ADGRV1: variants seen among roughly 807,000 people sequenced by gnomAD.
The protein encoded by ADGRV1 is G-protein coupled receptor 98.
Under a neutral mutation model 596.2 loss-of-function variants are expected in ADGRV1, and 359 were observed. The ratio of observed to expected loss-of-function variants is 0.60; its 90% CI spans 0.55 to 0.66. The LOEUF is 0.66. Among genes scored for constraint, ADGRV1 ranks in the 30% least tolerant of loss-of-function variants. ADGRV1 has a pLI of 0.00. For missense variants in ADGRV1, 7,274 were observed against 7,575.6 expected, an observed-to-expected ratio of 0.96 and a Z score of 1.48; for synonymous variants, 2,681 against 2,679.2, an observed-to-expected ratio of 1.00 and a Z score of -0.02.
rs374632134 is a variant in ADGRV1, at chr5:90,869,274, A to C, written c.17856+5417A>C. The stretch of plus-strand genomic sequence containing the variant: ...GGCAAGGAAAAGAACAAGAACAAAG[A>C]CATCTAAGTTATAGTGATCCTGGCT... On this transcript the variant is annotated intron_variant, in intron 83 of 89. Coordinates refer to ENST00000405460, the MANE Select transcript of ADGRV1 (RefSeq NM_032119.4). 1.6e-3 allele frequency among the ~76,000 whole-genome samples: 241 copies of C among 152,226 alleles called. 1 individual carries two copies. Among genetic ancestry groups the C allele is most frequent in the African/African-American group, 5.3e-3 (220 of 41,538 alleles).
chr5:90,810,043 A>G (rs1762291858), intron 73 of ADGRV1, among the ~76,000 whole-genome samples, 190 bp from the exon 74 acceptor site: 1 of 152,156 alleles, frequency 6.6e-6, no homozygotes, highest in Non-Finnish European at 1.5e-5. Context: ...CTGCTTTTGC[A>G]GCTCCTGTTC....
chr5:90,937,647 C>T (rs1310475563), intron 83 of ADGRV1, among the ~76,000 whole-genome samples: 2 of 151,952 alleles, frequency 1.3e-5, no homozygotes, highest in African/African-American at 4.8e-5. Flanking sequence ...TTAGTAGAGA[C>T]GGGGTTTCAC....
chr5:90,579,328 A>C (rs1757666588), intron 1 of ADGRV1, among the ~76,000 whole-genome samples: 1 of 152,214 alleles, frequency 6.6e-6, no homozygotes, highest in Non-Finnish European at 1.5e-5. Flanking sequence ...TTGGTTTCAA[A>C]GAACATCTTT....
chr5:90,799,178 C>T (rs1159871454), intron 70 of ADGRV1, among the ~76,000 whole-genome samples: 3 of 152,130 alleles, frequency 2.0e-5, no homozygotes, highest in Non-Finnish European at 4.4e-5. Context: ...TTAGAAAACC[C>T]CATCATCTCA....
intron 80 of ADGRV1, 137 bp downstream of exon 80, chr5:90,853,670 T>G: frequency 1.3e-6 from 1 of 754,634 alleles, no homozygotes; most frequent in Non-Finnish European, 2.1e-6. Flanking sequence ...TGTTCCATCT[T>G]TATGAACTAT....
At chr5:91,121,589 G>A in intron 87 of ADGRV1, among the ~76,000 whole-genome samples, 1 of 152,104 alleles carries the variant, frequency 6.6e-6, no homozygotes, top group East Asian at 1.9e-4. Flanking sequence ...CTGCAGTTTG[G>A]GCAAGATTCG....
chr5:90,596,488 AGCCTGG>A (rs1279069085), intron 1 of ADGRV1, among the ~76,000 whole-genome samples: 1 of 152,038 alleles, frequency 6.6e-6, no homozygotes, highest in Admixed American at 6.5e-5. Flanking sequence ...ACTGCACTCC[AGCCTGG>A]GCACCATTGA....
At chr5:90,675,853 A>C (rs1773185543) in intron 24 of ADGRV1, among the ~76,000 whole-genome samples, 1 of 152,082 alleles carries the variant, frequency 6.6e-6, no homozygotes. Flanking sequence ...AAAAGAAATA[A>C]TCTACTTTAT....
intron 11 of ADGRV1, among the ~76,000 whole-genome samples, chr5:90,639,573 T>C (rs1230993863): frequency 6.6e-6 from 1 of 152,152 alleles, no homozygotes; most frequent in Non-Finnish European, 1.5e-5. Context: ...AAAAAGTACA[T>C]AAGGAAGTAC....
In ADGRV1 at chr5:90,805,413, G is replaced by C. The variant is rs1761810300; in HGVS notation, c.14791G>C (p.Glu4931Gln). 6.2e-7 allele frequency: 1 copy of C among 1,601,130 alleles called. No individual in the cohort carries two copies. The highest frequency in any genetic ancestry group is 8.5e-7 in the Non-Finnish European group (1 of 1,169,826). The change falls in exon 72 of 90, where the codon GAA becomes CAA. Residue 4931 changes from glutamate (E) to glutamine (Q), a missense_variant. Physicochemically the swap from Glu to Gln is conservative, Grantham distance 29 (BLOSUM62 2). Around this residue, in one of 5 missense-constraint regions of ADGRV1, gnomAD observed 1,874 missense variants for 1,970.2 expected, o/e 0.95. Transcript: ENST00000405460. ...GACCACTGGATATGCTCCTGGGTTA[G>C]AAATTCCTGAATTCATTGTTGTTGG... Reference protein sequence around the residue: ...AWTTGYAPGLEIPEFIVVGNM... With the variant: ...AWTTGYAPGLQIPEFIVVGNM...
At position 90,745,924 on chromosome 5, in the gene ADGRV1, C is replaced by T; in HGVS notation, c.10974+129C>T. 1.1e-5 allele frequency: 7 copies of T among 609,196 alleles called. No individual in the cohort carries two copies. The South Asian group carries it at 1.3e-4, about 12-fold the overall frequency. The allele number at this position is 609,196 out of a possible 1,614,324, so 37.7% of individuals were successfully genotyped here. A position where few individuals can be genotyped will look rare whatever the true frequency, so the allele number is the denominator to read the frequency against. ...TCAGCCTCTCTCCCTTCCCTTTCCC[C>T]TGCCTCCCTTTTATGTGCATTCTAG... On this transcript the variant is annotated intron_variant, in intron 52 of 89. Transcript: ENST00000405460.
chr5:90,988,937 AGCTTCATC>A (rs374729291), intron 85 of ADGRV1, among the ~76,000 whole-genome samples: 33,272 of 151,568 alleles, frequency 0.22, 4,006 homozygotes, highest in Non-Finnish European at 0.28. Flanking sequence ...GATGGTTTCC[AGCTTCATC>A]CATGTCCCTA....
intron 83 of ADGRV1, among the ~76,000 whole-genome samples, chr5:90,943,964 G>A (rs984673676): frequency 1.8e-4 from 27 of 152,034 alleles, no homozygotes; most frequent in African/African-American, 6.3e-4. Flanking sequence ...TGTAGGGGGG[G>A]CACTATTCAA....
At chr5:91,046,773 C>T (rs1268725694) in intron 85 of ADGRV1, among the ~76,000 whole-genome samples, 1 of 152,108 alleles carries the variant, frequency 6.6e-6, no homozygotes, top group African/African-American at 2.4e-5. Flanking sequence ...TACATCTCAC[C>T]AAGGACTAAT....
chr5:91,007,809 C>T (rs988272155), intron 85 of ADGRV1, among the ~76,000 whole-genome samples: 12 of 152,132 alleles, frequency 7.9e-5, no homozygotes, highest in Admixed American at 2.6e-4. Context: ...ATTACCCATT[C>T]GTTCTTTGCC....
At position 90,840,837 on chromosome 5, in the gene ADGRV1, A is replaced by T. The variant is rs757586825; in HGVS notation, c.16871A>T (p.Asp5624Val). The change falls in exon 78 of 90, where the codon GAT becomes GTT. Residue 5624 changes from aspartate (D) to valine (V), a missense_variant. Asp to Val is a radical substitution (Grantham distance 152, BLOSUM62 -3). Transcript: ENST00000405460. ...AACATCACTCTTGTCTCAGATGCAG[A>T]TTCGCAGGCCATTTGGGGGCTTGCA... ...TANITLVSDA[D>V]SQAIWGLADQ... The T allele has an allele frequency of 1.2e-6, 2 of 1,613,624 alleles. No individual in the cohort carries two copies. The highest frequency in any genetic ancestry group is 8.5e-7 in the Non-Finnish European group (1 of 1,179,566).
intron 82 of ADGRV1, among the ~76,000 whole-genome samples, chr5:90,862,655 C>T (rs1441298888): frequency 6.6e-6 from 1 of 152,124 alleles, no homozygotes; most frequent in African/African-American, 2.4e-5. Context: ...CCATGGAAGC[C>T]TTCCCAAAAA....
intron 77 of ADGRV1, among the ~76,000 whole-genome samples, chr5:90,833,080 T>C (rs1388561132): frequency 6.6e-6 from 1 of 152,208 alleles, no homozygotes; most frequent in Non-Finnish European, 1.5e-5. Flanking sequence ...GCTTTGGCTA[T>C]TCTGAGTCTT....
chr5:91,047,329 TAA>T (rs1327767675), intron 85 of ADGRV1, among the ~76,000 whole-genome samples: 2 of 152,180 alleles, frequency 1.3e-5, no homozygotes, highest in African/African-American at 2.4e-5. Context: ...GATGTGTGTA[TAA>T]AGAGAAGTTT....
Sources: allele counts gnomAD v4.1 joint callset (sites outside exome capture counted in the v4.1 genomes callset), GRCh38; gene constraint gnomAD v4.1.1; regional missense constraint gnomAD v4.1.1; transcripts MANE v1.5; gene names NCBI Gene and HGNC (gene_info 2026-07-23, HGNC 2026-07-21).